LPAR1: variants seen among roughly 807,000 people sequenced by gnomAD.
The protein encoded by LPAR1 is lysophosphatidic acid receptor 1, also known as LPA receptor 1.
In LPAR1, 5 loss-of-function variants were observed where a neutral mutation model predicts 23.8. The ratio of observed to expected loss-of-function variants is 0.21; its 90% CI spans 0.11 to 0.44. The LOEUF (loss-of-function observed/expected upper bound fraction) is 0.44, where lower values mean the gene tolerates loss of function less well. Ranked by LOEUF, LPAR1 falls within the 20% of genes least tolerant of loss-of-function variation. LPAR1 has a pLI of 0.99. For synonymous variants in LPAR1, 160 were observed against 164.7 expected (o/e 0.97, Z 0.22); for missense variants, 311 against 482.8 (o/e 0.64, Z 3.33).
In LPAR1 at chr9:110,874,097, G is replaced by C. The variant is rs185742057; in HGVS notation, c.*1324C>G. The C allele has an allele frequency of 6.6e-5, 10 of 152,628 alleles. No individual in the cohort carries two copies. Among genetic ancestry groups the C allele is most frequent in the Admixed American group, 6.5e-4 (10 of 15,290 alleles). The allele number at this position is 152,628 out of a possible 1,614,324, so 9.5% of individuals were successfully genotyped here. On this transcript the variant is annotated 3_prime_UTR_variant, in exon 6 of 6. Transcript: ENST00000683809. The stretch of plus-strand genomic sequence containing the variant: ...TTCATGAAAGGTGTAAGTACAAGAT[G>C]ACATTTCACATTTTTTTAAAAAAAG...
intron 4 of LPAR1, among the ~76,000 whole-genome samples, chr9:110,964,396 A>T (rs2096121998): frequency 6.6e-6 from 1 of 152,224 alleles, no homozygotes; most frequent in South Asian, 2.1e-4. Flanking sequence ...GGAGTTATTT[A>T]TACTTTTGCT....
chr9:110,997,819 T>TG (rs1326572643), intron 2 of LPAR1, among the ~76,000 whole-genome samples: 1 of 152,210 alleles, frequency 6.6e-6, no homozygotes, highest in East Asian at 1.9e-4. Flanking sequence ...CTGCAGAATA[T>TG]AGTAACACTG....
intron 2 of LPAR1, among the ~76,000 whole-genome samples, chr9:111,034,860 A>C (rs147412877): frequency 4.6e-3 from 701 of 152,246 alleles, no homozygotes; most frequent in Non-Finnish European, 7.2e-3. Context: ...GTAACTTTCC[A>C]GCCTTCATCA....
At chr9:110,995,143 C>T (rs1429674122) in intron 2 of LPAR1, among the ~76,000 whole-genome samples, 2 of 152,054 alleles carry the variant, frequency 1.3e-5, no homozygotes, top group African/African-American at 2.4e-5. Context: ...GAAGATGGTA[C>T]ATTATGAAAT....
At chr9:110,894,579 G>A (rs749030321) in intron 5 of LPAR1, among the ~76,000 whole-genome samples, 5 of 152,160 alleles carry the variant, frequency 3.3e-5, no homozygotes, top group Non-Finnish European at 5.9e-5. Context: ...TAGCAAAGTG[G>A]GAAGCTGTAT....
In LPAR1 at chr9:111,032,546, GA is replaced by G. The variant is rs530761631; in HGVS notation, c.-182+3575del. Among the ~76,000 whole-genome samples the G allele has an allele frequency of 2.0e-3, 298 of 152,084 alleles. 1 individual carries two copies. Among genetic ancestry groups the G allele is most frequent in the Non-Finnish European group, 3.4e-3 (232 of 67,970 alleles). ...CAGTTAAGTGCTCCTGAGATGGGGG[GA>G]AAAAAAGTTTCCTCTGCCCCTGAAC... is the stretch of plus-strand genomic sequence containing the variant. On this transcript the variant is annotated intron_variant, in intron 2 of 5. Coordinates refer to ENST00000683809, the MANE Select transcript of LPAR1 (RefSeq NM_001351411.2).
intron 5 of LPAR1, among the ~76,000 whole-genome samples, chr9:110,909,929 T>G (rs2092151323): frequency 6.6e-6 from 1 of 151,844 alleles, no homozygotes; most frequent in Admixed American, 6.6e-5. Flanking sequence ...TTGCATTTTT[T>G]GGAGAGACAG....
At chr9:110,897,494 C>A (rs1366344318) in intron 5 of LPAR1, among the ~76,000 whole-genome samples, 1 of 152,174 alleles carries the variant, frequency 6.6e-6, no homozygotes, top group Admixed American at 6.5e-5. Flanking sequence ...TAATACAGTA[C>A]CTTTCAACCC....
chr9:110,941,318 CTGG>C lies in LPAR1; in HGVS notation c.793+100_793+102del. On this transcript the variant is annotated intron_variant, in intron 5 of 5. Transcript: ENST00000683809. The surrounding 1 kb of genome is among the most constrained non-coding windows in gnomAD (Gnocchi z 6.1). ...CCCCTTGTAATTCCTGGTGAATTAC[CTGG>C]TGAATATTCATACTGTTGGTTACCT... is the stretch of plus-strand genomic sequence containing the variant. The C allele has an allele frequency of 9.6e-7, 1 of 1,042,072 alleles. No homozygotes were observed. The highest frequency in any genetic ancestry group is 1.6e-5 in the South Asian group (1 of 63,350). The allele number at this position is 1,042,072 out of a possible 1,614,324, so 64.6% of individuals were successfully genotyped here. A position where few individuals can be genotyped will look rare whatever the true frequency, so the allele number is the denominator to read the frequency against.
chr9:110,903,425 C>T (rs1053320415), intron 5 of LPAR1: 2 of 151,988 alleles, frequency 1.3e-5, no homozygotes, highest in Non-Finnish European at 2.9e-5. Flanking sequence ...CATGCAAAGT[C>T]GTGACGCATT....
At chr9:110,946,460 G>C (rs1358633920) in intron 4 of LPAR1, among the ~76,000 whole-genome samples, 1 of 152,088 alleles carries the variant, frequency 6.6e-6, no homozygotes, top group Admixed American at 6.6e-5. Context: ...AAAATAACAA[G>C]TCAAATATCT....
At chr9:111,030,507 T>C (rs530565175) in intron 2 of LPAR1, among the ~76,000 whole-genome samples, 1 of 152,334 alleles carries the variant, frequency 6.6e-6, no homozygotes, top group East Asian at 1.9e-4. Context: ...TAACTCTACC[T>C]ATCTTCTCTG....
At chr9:110,907,730 G>A (rs1480460650) in intron 5 of LPAR1, among the ~76,000 whole-genome samples, 1 of 152,056 alleles carries the variant, frequency 6.6e-6, no homozygotes, top group Non-Finnish European at 1.5e-5. Flanking sequence ...CTAATCATAT[G>A]TTATCTTTAT....
chr9:111,010,074 A>G (rs1408433768), intron 2 of LPAR1, among the ~76,000 whole-genome samples: 1 of 140,472 alleles, frequency 7.1e-6, no homozygotes, highest in Non-Finnish European at 1.6e-5. Context: ...AGTTGGCCAT[A>G]GAATTGTATA....
chr9:110,951,587 C>T (rs2095570429), intron 4 of LPAR1, among the ~76,000 whole-genome samples: 2 of 152,134 alleles, frequency 1.3e-5, no homozygotes. Context: ...GCAGTGAGAT[C>T]CAATTTATTT....
At chr9:110,966,140 G>A (rs1387348232) in intron 4 of LPAR1, among the ~76,000 whole-genome samples, 1 of 152,116 alleles carries the variant, frequency 6.6e-6, no homozygotes, top group East Asian at 1.9e-4. Context: ...TGGGGGAAAA[G>A]GGGAGGGAGA....
At chr9:110,956,626 T>C (rs753770317) in intron 4 of LPAR1, among the ~76,000 whole-genome samples, 2 of 151,364 alleles carry the variant, frequency 1.3e-5, no homozygotes, top group South Asian at 2.1e-4. Context: ...ACTGATACCA[T>C]AGAAATACAA....
intron 5 of LPAR1, among the ~76,000 whole-genome samples, chr9:110,901,643 C>T (rs1209002218): frequency 6.6e-6 from 1 of 152,158 alleles, no homozygotes; most frequent in African/African-American, 2.4e-5. Flanking sequence ...GATTCAATTA[C>T]CTCCCACCAG....
At chr9:110,955,012 G>C (rs1315740161) in intron 4 of LPAR1, among the ~76,000 whole-genome samples, 1 of 151,994 alleles carries the variant, frequency 6.6e-6, no homozygotes, top group Non-Finnish European at 1.5e-5. Flanking sequence ...TAAACAGTAA[G>C]AAAGAAAGGA....
Sources: allele counts gnomAD v4.1 joint callset (sites outside exome capture counted in the v4.1 genomes callset), GRCh38; gene constraint gnomAD v4.1.1; non-coding constraint Gnocchi (gnomAD v3.1); transcripts MANE v1.5; gene names NCBI Gene and HGNC (gene_info 2026-07-23, HGNC 2026-07-21).